The following ROCK1 variants were observed in gnomAD, a reference collection of about 807,000 sequenced individuals.
The protein encoded by ROCK1 is Rho associated coiled-coil containing protein kinase 1, also known as rho-associated protein kinase 1.
In ROCK1, 36 loss-of-function variants were observed where a neutral mutation model predicts 196.8. The ratio of observed to expected loss-of-function variants is 0.18; its 90% confidence interval spans 0.14 to 0.24. ROCK1 has a LOEUF of 0.24. Among genes scored for constraint, ROCK1 ranks in the 10% least tolerant of loss-of-function variants. The pLI is 1.00. For missense variants in ROCK1, 920 were observed against 1,562.0 expected (o/e 0.59, Z 6.93); for synonymous variants, 443 against 515.9 (o/e 0.86, Z 1.91).
At chr18:20,986,784 G>T (rs1241058184) in intron 19 of ROCK1, among the ~76,000 whole-genome samples, 166 bp downstream of exon 19, 1 of 152,184 alleles carries the variant, frequency 6.6e-6, no homozygotes, top group Admixed American at 6.5e-5. Context: ...ATTTGAAGAG[G>T]AAAATTCTAG....
chr18:20,969,284 A>G, intron 23 of ROCK1, 76 bp from the exon 24 acceptor site: 1 of 822,592 alleles, frequency 1.2e-6, no homozygotes, highest in East Asian at 2.5e-5. Context: ...CTTTAAATAT[A>G]CTGCTAGATA....
intron 10 of ROCK1, among the ~76,000 whole-genome samples, chr18:21,025,433 G>A (rs1203976530): frequency 6.6e-6 from 1 of 152,024 alleles, no homozygotes; most frequent in Non-Finnish European, 1.5e-5. Context: ...TCAATATTTT[G>A]CCAGGGCCAG....
At chr18:20,976,735 C>G (rs2035484447) in intron 22 of ROCK1, among the ~76,000 whole-genome samples, 1 of 152,266 alleles carries the variant, frequency 6.6e-6, no homozygotes, top group South Asian at 2.1e-4. Flanking sequence ...TATCTTTTAT[C>G]TGCATTCTAA....
chr18:21,083,833 T>G (rs1364098826), intron 1 of ROCK1, among the ~76,000 whole-genome samples: 1 of 152,300 alleles, frequency 6.6e-6, no homozygotes, highest in South Asian at 2.1e-4. Flanking sequence ...AGTTAAGTTT[T>G]GGGGAAATTA....
chr18:21,006,665 T>C, intron 15 of ROCK1, 34 bp downstream of exon 15: 1 of 1,582,410 alleles, frequency 6.3e-7, no homozygotes, highest in Non-Finnish European at 8.5e-7. Context: ...TATCTACAAT[T>C]TTTTTAAAAA....
Position 21,006,729 on chromosome 18 carries a change from A to C in ROCK1, c.1608T>G (p.Ala536=). Residue 536 remains alanine (A), a synonymous_variant, in exon 15 of 33, where the codon GCT becomes GCG. Transcript: ENST00000399799. The part of the protein sequence containing the change: ...LKKVSQNSQL[A]NEKLSQLQKQ... ...TTTGTAACTGGGACAGCTTCTCATT[A>C]GCAAGCTGTGAATTCTGACTGACTT... 1 of 1,605,068 alleles carries C rather than the reference A, an allele frequency of 6.2e-7. No homozygotes were observed. Among genetic ancestry groups the C allele is most frequent in the Non-Finnish European group, 8.5e-7 (1 of 1,177,580 alleles).
intron 8 of ROCK1, among the ~76,000 whole-genome samples, chr18:21,040,647 T>C (rs2036097579): frequency 6.6e-6 from 1 of 152,166 alleles, no homozygotes; most frequent in Admixed American, 6.5e-5. Context: ...AGAAAACCTC[T>C]CCATGGTTCT....
At chr18:20,986,204 T>C (rs1436950066) in intron 19 of ROCK1, among the ~76,000 whole-genome samples, 4 of 152,136 alleles carry the variant, frequency 2.6e-5, no homozygotes, top group African/African-American at 9.7e-5. Flanking sequence ...GGCCTACAAA[T>C]TTCTCCCATG....
chr18:21,023,364 G>A (rs778296884), intron 11 of ROCK1, among the ~76,000 whole-genome samples: 3 of 151,952 alleles, frequency 2.0e-5, no homozygotes, highest in African/African-American at 7.3e-5. Context: ...TCCTGATTCC[G>A]AAGATTAAAA....
intron 4 of ROCK1, among the ~76,000 whole-genome samples, chr18:21,045,724 C>A (rs1405637494): frequency 6.6e-6 from 1 of 151,964 alleles, no homozygotes; most frequent in Non-Finnish European, 1.5e-5. Context: ...ATTTGAATTT[C>A]TTTTACTGAG....
In ROCK1 at chr18:20,948,088, C is replaced by T. The variant is rs1211713910; in HGVS notation, c.*3296G>A. The stretch of plus-strand genomic sequence containing the variant: ...TCGCGCCACTGCACTCCAGCCTGGG[C>T]AACAAGAGCGAAACTTCGTTTCAAA... On this transcript the variant is annotated 3_prime_UTR_variant, in exon 33 of 33. Coordinates refer to ENST00000399799, the MANE Select transcript of ROCK1 (RefSeq NM_005406.3). 1 of 152,006 alleles carries T rather than the reference C, an allele frequency of 6.6e-6. No homozygotes were observed. The highest frequency in any genetic ancestry group is 2.4e-5 in the African/African-American group (1 of 41,334). 9.4% of individuals were successfully genotyped at this position (152,006 alleles called of 1,614,324 possible).
At chr18:20,975,853 C>T (rs569452582) in intron 22 of ROCK1, among the ~76,000 whole-genome samples, 24 of 152,276 alleles carry the variant, frequency 1.6e-4, no homozygotes, top group South Asian at 1.5e-3. Context: ...TATTGTGATC[C>T]GCCTGCCTCG....
intron 1 of ROCK1, among the ~76,000 whole-genome samples, chr18:21,107,107 A>G (rs1272723654): frequency 6.6e-6 from 1 of 152,244 alleles, no homozygotes; most frequent in African/African-American, 2.4e-5. Context: ...CAATATTTTA[A>G]TAATTTTGTG....
rs1186304434 is a variant in ROCK1, at chr18:20,949,389, A to C, written c.*1995T>G. The C allele has an allele frequency of 6.6e-6, 1 of 152,390 alleles. No individual in the cohort carries two copies. Among genetic ancestry groups the C allele is most frequent in the Non-Finnish European group, 1.5e-5 (1 of 68,152 alleles). 9.4% of individuals were successfully genotyped at this position (152,390 alleles called of 1,614,324 possible). A position where few individuals can be genotyped will look rare whatever the true frequency, so the allele number is the denominator to read the frequency against. The stretch of plus-strand genomic sequence containing the variant: ...TTCACAGCACAGCAAAAGCAGCATA[A>C]GTTTCACGTTCCATCAGTTCCCTTT... On this transcript the variant is annotated 3_prime_UTR_variant, in exon 33 of 33. Coordinates refer to ENST00000399799, the MANE Select transcript of ROCK1 (RefSeq NM_005406.3).
At position 21,076,678 on chromosome 18, in the gene ROCK1, C is replaced by CAT. The variant is rs774831640; in HGVS notation, c.94-6066_94-6065insAT. On this transcript the variant is annotated intron_variant, in intron 1 of 32. Transcript: ENST00000399799. ...ATCCTCCCCTCTTGGTACATACACA[C>CAT]ACACACACACACACACACACACACA... Among the ~76,000 whole-genome samples, 255 of 147,854 alleles carry CAT rather than the reference C, an allele frequency of 1.7e-3. 2 individuals carry two copies. The highest frequency in any genetic ancestry group is 3.5e-3 in the South Asian group (17 of 4,790).
intron 21 of ROCK1, among the ~76,000 whole-genome samples, chr18:20,980,915 C>CAA (rs570087798): frequency 0.013 from 750 of 55,696 alleles, 8 homozygotes; most frequent in African/African-American, 0.039. Context: ...GATTCCATCT[C>CAA]AAAAAAAAAA....
At chr18:21,024,643 A>T (rs574712518) in intron 10 of ROCK1, among the ~76,000 whole-genome samples, 9 of 152,384 alleles carry the variant, frequency 5.9e-5, no homozygotes, top group African/African-American at 2.2e-4. Context: ...CAGTTTAAGT[A>T]AATTTTAAAA....
At chr18:21,001,756 C>A in intron 16 of ROCK1, among the ~76,000 whole-genome samples, 1 of 149,440 alleles carries the variant, frequency 6.7e-6, no homozygotes. Context: ...CAGAGTGAGG[C>A]TCCGTCTCAA....
At chr18:21,040,344 A>T (rs1458554790) in intron 8 of ROCK1, among the ~76,000 whole-genome samples, 2 of 152,194 alleles carry the variant, frequency 1.3e-5, no homozygotes, top group African/African-American at 4.8e-5. Flanking sequence ...TCTATTAATT[A>T]TTTCTGACCA....
Sources: allele counts gnomAD v4.1 joint callset (sites outside exome capture counted in the v4.1 genomes callset), GRCh38; gene constraint gnomAD v4.1.1; transcripts MANE v1.5; gene names NCBI Gene and HGNC (gene_info 2026-07-23, HGNC 2026-07-21).